SCHIP1: variants seen among roughly 807,000 people sequenced by gnomAD.
The protein encoded by SCHIP1 is schwannomin interacting protein 1.
A neutral mutation model predicts 29.7 loss-of-function variants in SCHIP1; 8 were observed. The ratio of observed to expected loss-of-function variants is 0.27; its 90% CI spans 0.16 to 0.49. The LOEUF is 0.49. Ranked by LOEUF, SCHIP1 falls within the 20% of genes least tolerant of loss-of-function variation. The pLI is 0.99. For synonymous variants in SCHIP1, 76 were observed against 94.9 expected, an observed-to-expected ratio of 0.80 and a Z score of 1.16; for missense variants, 193 against 294.6, an observed-to-expected ratio of 0.66 and a Z score of 2.52.
the SCHIP1 span, among the ~76,000 whole-genome samples, chr3:159,654,642 G>A: frequency 6.6e-6 from 1 of 152,004 alleles, no homozygotes; most frequent in African/African-American, 2.4e-5. Flanking sequence ...GGAGGGTGTT[G>A]AGTGTATGTG....
the SCHIP1 span, among the ~76,000 whole-genome samples, chr3:159,435,437 C>A: frequency 3.3e-5 from 5 of 152,112 alleles, no homozygotes; most frequent in African/African-American, 7.2e-5. Flanking sequence ...AGCTCTAGCC[C>A]TCATATGGAA....
the SCHIP1 span, among the ~76,000 whole-genome samples, chr3:159,479,439 A>G: frequency 2.0e-5 from 3 of 152,168 alleles, no homozygotes; most frequent in Non-Finnish European, 2.9e-5. Context: ...TGTCTTCAGG[A>G]TGTAGAATAG....
the SCHIP1 span, among the ~76,000 whole-genome samples, chr3:159,360,646 C>G: frequency 6.6e-6 from 1 of 152,306 alleles, no homozygotes; most frequent in South Asian, 2.1e-4. Flanking sequence ...CAGTGGGAGA[C>G]AGGATTAGTT....
At chr3:159,551,342 C>G in the SCHIP1 span, among the ~76,000 whole-genome samples, 1 of 152,176 alleles carries the variant, frequency 6.6e-6, no homozygotes, top group African/African-American at 2.4e-5. Flanking sequence ...ATATGCACCA[C>G]ACCAAATCCC....
chr3:159,712,960 AC>A, the SCHIP1 span, among the ~76,000 whole-genome samples: 2 of 151,704 alleles, frequency 1.3e-5, 1 homozygote, highest in African/African-American at 4.8e-5. Context: ...GGAGTTTGAG[AC>A]CAGCCTCAAC....
the SCHIP1 span, among the ~76,000 whole-genome samples, chr3:159,616,410 G>A: frequency 6.6e-6 from 1 of 152,134 alleles, no homozygotes; most frequent in Non-Finnish European, 1.5e-5. Flanking sequence ...CCACAAGATG[G>A]CATTCTGAGG....
the SCHIP1 span, among the ~76,000 whole-genome samples, chr3:159,526,540 G>C: frequency 3.9e-5 from 6 of 152,098 alleles, no homozygotes; most frequent in African/African-American, 1.4e-4. Context: ...TTGTTCCTAG[G>C]TCTTTATTTG....
At chr3:159,447,194 T>C in the SCHIP1 span, among the ~76,000 whole-genome samples, 6 of 152,196 alleles carry the variant, frequency 3.9e-5, no homozygotes, top group African/African-American at 1.4e-4. Flanking sequence ...GTCAGTGTGC[T>C]CATTGGTAAA....
the SCHIP1 span, among the ~76,000 whole-genome samples, chr3:159,583,891 G>A: frequency 9.9e-5 from 15 of 152,154 alleles, no homozygotes; most frequent in Non-Finnish European, 1.2e-4. Flanking sequence ...CATGCCAATC[G>A]GCTCTTTATT....
chr3:159,787,076 G>A, the SCHIP1 span, among the ~76,000 whole-genome samples: 1 of 152,026 alleles, frequency 6.6e-6, no homozygotes, highest in African/African-American at 2.4e-5. Flanking sequence ...TCTTATTTTT[G>A]TCCTCTCAAC....
intron 2 of SCHIP1, among the ~76,000 whole-genome samples, chr3:159,879,407 G>A (rs767872441): frequency 3.3e-5 from 5 of 151,928 alleles, no homozygotes; most frequent in African/African-American, 4.8e-5. Flanking sequence ...TCTCTGAGCC[G>A]TTTTCTCATA....
chr3:159,659,202 C>T, the SCHIP1 span, among the ~76,000 whole-genome samples: 2 of 152,134 alleles, frequency 1.3e-5, no homozygotes, highest in South Asian at 4.1e-4. Flanking sequence ...TCAGAGAAGC[C>T]CTTAGCTACC....
the SCHIP1 span, among the ~76,000 whole-genome samples, chr3:159,278,422 T>C: frequency 6.6e-6 from 1 of 152,152 alleles, no homozygotes; most frequent in Non-Finnish European, 1.5e-5. Context: ...GGAGTTATAA[T>C]TTATCTTTTC....
the SCHIP1 span, among the ~76,000 whole-genome samples, chr3:159,696,745 G>A: frequency 6.6e-6 from 1 of 152,144 alleles, no homozygotes; most frequent in African/African-American, 2.4e-5. Flanking sequence ...AATCCAGGAG[G>A]TCAGGAAAGG....
At chr3:159,707,930 C>A in the SCHIP1 span, among the ~76,000 whole-genome samples, 40 of 152,222 alleles carry the variant, frequency 2.6e-4, no homozygotes, top group African/African-American at 9.6e-4. Flanking sequence ...GCACTCTCTT[C>A]TCTCTGGTAT....
chr3:159,429,141 C>G, the SCHIP1 span, among the ~76,000 whole-genome samples: 2 of 149,132 alleles, frequency 1.3e-5, no homozygotes, highest in East Asian at 2.0e-4. Flanking sequence ...CACATGTATA[C>G]ATATGTAACT....
chr3:159,777,365 A>C, the SCHIP1 span, among the ~76,000 whole-genome samples: 1 of 152,196 alleles, frequency 6.6e-6, no homozygotes, highest in Admixed American at 6.5e-5. Context: ...AAACCCATGA[A>C]GGAGTGTTGC....
the SCHIP1 span, among the ~76,000 whole-genome samples, chr3:159,435,540 G>A: frequency 6.6e-6 from 1 of 152,092 alleles, no homozygotes; most frequent in Admixed American, 6.6e-5. Flanking sequence ...GGGTTTCTGG[G>A]ATCTTCAAAA....
At chr3:159,451,557 C>T in the SCHIP1 span, among the ~76,000 whole-genome samples, 1 of 152,130 alleles carries the variant, frequency 6.6e-6, no homozygotes, top group Non-Finnish European at 1.5e-5. Context: ...CTGTTGGATT[C>T]ATCTGAAAAA....
Sources: gnomAD v4.1 joint callset for allele counts (sites outside exome capture counted in the v4.1 genomes callset) on GRCh38, gnomAD v4.1.1 for gene constraint, MANE v1.5 for transcripts, NCBI Gene and HGNC (gene_info 2026-07-23, HGNC 2026-07-21) for gene names.